Variants in TMEM174 observed in about 807,000 individuals in gnomAD.
TMEM174 encodes transmembrane protein 174.
In TMEM174, 11 loss-of-function variants were observed where a neutral mutation model predicts 15.1. That is an observed-to-expected ratio of 0.73 (90% CI 0.46 to 1.20). The LOEUF (loss-of-function observed/expected upper bound fraction) is 1.20. Among genes scored for constraint, TMEM174 ranks in the 50% most tolerant of loss-of-function variants. The pLI, the probability that TMEM174 is intolerant of heterozygous loss-of-function variation, is 0.00. For synonymous variants in TMEM174, 130 were observed against 121.3 expected (o/e 1.07, Z -0.47); for missense variants, 321 against 303.6 (o/e 1.06, Z -0.43).
In TMEM174 at chr5:73,174,109, G is replaced by T. The variant is rs1745025585; in HGVS notation, c.676G>T (p.Ala226Ser). Residue 226 changes from alanine (A) to serine (S), a missense_variant, in exon 2 of 2, where the codon GCC (alanine) becomes TCC (serine). Coordinates refer to ENST00000296776, the MANE Select transcript of TMEM174 (RefSeq NM_153217.3). ...QLEETQLEEE[A>S]CACFSPPPYE... ...AGAAGAGACACAGCTGGAAGAGGAGGCCTGTGCCTGCTTCTCTCCTCCCCC... is the reference window on the plus strand; with the variant it reads ...AGAAGAGACACAGCTGGAAGAGGAGTCCTGTGCCTGCTTCTCTCCTCCCCC... 1 of 1,614,148 alleles carries T rather than the reference G, an allele frequency of 6.2e-7. No homozygotes were observed.
chr5:73,173,247 G>C lies in TMEM174; in HGVS notation c.4G>C (p.Glu2Gln), dbSNP rs148719429. The C allele has an allele frequency of 6.5e-7, 1 of 1,531,054 alleles. No homozygotes were observed. The highest frequency in any genetic ancestry group is 8.8e-7 in the Non-Finnish European group (1 of 1,139,226). The allele number at this position is 1,531,054 out of a possible 1,614,324, so 94.8% of individuals were successfully genotyped here. A position where few individuals can be genotyped will look rare whatever the true frequency, so the allele number is the denominator to read the frequency against. Residue 2 changes from glutamate to glutamine, a missense_variant, in exon 1 of 2, where the codon GAG becomes CAG. Transcript: ENST00000296776. M[E>Q]QGSGRLEDFP... Reference sequence around the variant, plus strand: ...CAGGGTGAGCCCACAAGGAGCAATGGAGCAGGGCAGCGGCCGCTTGGAGGA... The same window carrying C: ...CAGGGTGAGCCCACAAGGAGCAATGCAGCAGGGCAGCGGCCGCTTGGAGGA...
In TMEM174 at chr5:73,174,196, A is replaced by G; in HGVS notation, c.*31A>G. ...ATTCTGATATAATAACACAATGCTCAGCTCAGGGAGCAAGTGTTTCCGTCA... is the reference window on the plus strand; with the variant it reads ...ATTCTGATATAATAACACAATGCTCGGCTCAGGGAGCAAGTGTTTCCGTCA... On this transcript the variant is annotated 3_prime_UTR_variant, in exon 2 of 2. Coordinates refer to ENST00000296776, the MANE Select transcript of TMEM174 (RefSeq NM_153217.3). 6.3e-7 allele frequency: 1 copy of G among 1,585,034 alleles called. No homozygotes were observed. The highest frequency in any genetic ancestry group is 8.7e-7 in the Non-Finnish European group (1 of 1,153,760).
Position 73,173,781 on chromosome 5 carries a change from C to A in TMEM174, c.538C>A (p.Pro180Thr), listed in dbSNP as rs144099236. The A allele has an allele frequency of 6.8e-5, 109 of 1,614,192 alleles. No homozygotes were observed. In the African/African-American group the frequency reaches 1.3e-3, roughly 20 times the overall value. Residue 180 changes from proline (P) to threonine (T), a missense_variant, in exon 1 of 2, where the codon CCT becomes ACT. Transcript: ENST00000296776. ...GGAAAAMSSP[P>T]QYYTIYPQDN... is the part of the protein sequence containing the mutation. Reference sequence around the variant, plus strand: ...GGCAGCAGCCGCCATGTCAAGTCCTCCTCAATACTACACCATCTACCCTCA... The same window carrying A: ...GGCAGCAGCCGCCATGTCAAGTCCTACTCAATACTACACCATCTACCCTCA...
chr5:73,174,128 C>T lies in TMEM174; in HGVS notation c.695C>T (p.Pro232Leu). ...GAGGAGGCCTGTGCCTGCTTCTCTC[C>T]TCCCCCTTATGAAGAAATATACTCT... is the stretch of plus-strand genomic sequence containing the variant. ...LEEEACACFS[P>L]PPYEEIYSLP... The change falls in exon 2 of 2, where the codon CCT becomes CTT. Residue 232 changes from proline (P) to leucine (L), a missense_variant. Pro to Leu is a moderately conservative substitution (Grantham distance 98). Transcript: ENST00000296776. The T allele has an allele frequency of 1.2e-6, 2 of 1,614,170 alleles. No individual in the cohort carries two copies. The highest frequency in any genetic ancestry group is 2.2e-5 in the East Asian group (1 of 44,868).
At position 73,174,075 on chromosome 5, in the gene TMEM174, T is replaced by C; in HGVS notation, c.642T>C (p.Val214=). The C allele has an allele frequency of 6.2e-7, 1 of 1,614,008 alleles. No homozygotes were observed. The highest frequency in any genetic ancestry group is 8.5e-7 in the Non-Finnish European group (1 of 1,180,026). Reference sequence around the variant, plus strand: ...CACATTTCAGGCCCAATCCTGATGTTGACCAGCTAGAAGAGACACAGCTGG... The same window carrying C: ...CACATTTCAGGCCCAATCCTGATGTCGACCAGCTAGAAGAGACACAGCTGG... ...DGGNHRPNPD[V]DQLEETQLEE... The change falls in exon 2 of 2, where the codon GTT becomes GTC. Residue 214 remains valine (V), a synonymous_variant. Coordinates refer to ENST00000296776, the MANE Select transcript of TMEM174 (RefSeq NM_153217.3).
In TMEM174 at chr5:73,173,823, G is replaced by T; in HGVS notation, c.580G>T (p.Val194Leu). The change falls in exon 1 of 2, where the codon GTG becomes TTG. Residue 194 changes from valine (V) to leucine (L), a missense_variant. Coordinates refer to ENST00000296776, the MANE Select transcript of TMEM174 (RefSeq NM_153217.3). ...CTACCCTCAAGATAACTCTGCATTT[G>T]TGGTTGATGAGGGCTGCCTTTCTTT... is the stretch of plus-strand genomic sequence containing the variant. Reference protein sequence around the residue: ...TIYPQDNSAFVVDEGCLSFTD... With the variant: ...TIYPQDNSAFLVDEGCLSFTD... The T allele has an allele frequency of 6.2e-7, 1 of 1,614,056 alleles. No individual in the cohort carries two copies. The highest frequency in any genetic ancestry group is 1.3e-5 in the African/African-American group (1 of 75,042).
chr5:73,173,716 A>G lies in TMEM174; in HGVS notation c.473A>G (p.Gln158Arg). 6.2e-7 allele frequency: 1 copy of G among 1,614,188 alleles called. No homozygotes were observed. Among genetic ancestry groups the G allele is most frequent in the Non-Finnish European group, 8.5e-7 (1 of 1,180,034 alleles). Reference protein sequence around the residue: ...EPMGINTSYLQSVVSPCGLIT... With the variant: ...EPMGINTSYLRSVVSPCGLIT... ...ATGGGGATAAATACCAGCTACCTGC[A>G]GTCTGTGGTGAGCCCCTGCGGCCTC... Residue 158 changes from glutamine (Q) to arginine (R), a missense_variant, in exon 1 of 2, where the codon CAG (glutamine) becomes CGG (arginine). Coordinates refer to ENST00000296776, the MANE Select transcript of TMEM174 (RefSeq NM_153217.3).
intron 1 of TMEM174, 88 bp downstream of exon 1, chr5:73,173,957 A>G (rs1200058885): frequency 6.3e-7 from 1 of 1,598,180 alleles, no homozygotes; most frequent in South Asian, 1.1e-5. Flanking sequence ...AGGTGTTGGG[A>G]GACTGTGAAT....
Position 73,174,254 on chromosome 5 carries a change from T to C in TMEM174, c.*89T>C. On this transcript the variant is annotated 3_prime_UTR_variant, in exon 2 of 2. Coordinates refer to ENST00000296776, the MANE Select transcript of TMEM174 (RefSeq NM_153217.3). ...CTGACAACCGTGGTGTTCTATGTTGTAACCTTCAGAAGTTACAGCAGCGCC... is the reference window on the plus strand; with the variant it reads ...CTGACAACCGTGGTGTTCTATGTTGCAACCTTCAGAAGTTACAGCAGCGCC... 1.5e-6 allele frequency: 2 copies of C among 1,298,068 alleles called. No homozygotes were observed. Among genetic ancestry groups the C allele is most frequent in the Non-Finnish European group, 2.2e-6 (2 of 907,974 alleles). 80.4% of individuals were successfully genotyped at this position (1,298,068 alleles called of 1,614,324 possible). A position where few individuals can be genotyped will look rare whatever the true frequency, so the allele number is the denominator to read the frequency against.
In TMEM174 at chr5:73,174,071, ATGT is replaced by A; in HGVS notation, c.641_643del (p.Val214del). The A allele has an allele frequency of 1.2e-6, 2 of 1,613,956 alleles. No homozygotes were observed. The highest frequency in any genetic ancestry group is 2.2e-5 in the East Asian group (1 of 44,872). ...TGCTCACATTTCAGGCCCAATCCTG[ATGT>A]TGACCAGCTAGAAGAGACACAGCTG... On this transcript the variant is annotated inframe_deletion, in exon 2 of 2. Coordinates refer to ENST00000296776, the MANE Select transcript of TMEM174 (RefSeq NM_153217.3).
chr5:73,173,814 T>C lies in TMEM174; in HGVS notation c.571T>C (p.Ser191Pro), dbSNP rs139841435. The change falls in exon 1 of 2, where the codon TCT (serine) becomes CCT (proline). Residue 191 changes from serine (S) to proline (P), a missense_variant. Coordinates refer to ENST00000296776, the MANE Select transcript of TMEM174 (RefSeq NM_153217.3). ...CTACACCATCTACCCTCAAGATAAC[T>C]CTGCATTTGTGGTTGATGAGGGCTG... ...QYYTIYPQDN[S>P]AFVVDEGCLS... 2.8e-4 allele frequency: 448 copies of C among 1,613,994 alleles called. 1 individual carries two copies. Among genetic ancestry groups the C allele is most frequent in the Non-Finnish European group, 3.7e-4 (436 of 1,179,988 alleles).
Position 73,174,206 on chromosome 5 carries a change from G to C in TMEM174, c.*41G>C. ...AATAACACAATGCTCAGCTCAGGGA[G>C]CAAGTGTTTCCGTCATTGTTACCTG... On this transcript the variant is annotated 3_prime_UTR_variant, in exon 2 of 2. Coordinates refer to ENST00000296776, the MANE Select transcript of TMEM174 (RefSeq NM_153217.3). 6.3e-7 allele frequency: 1 copy of C among 1,577,702 alleles called. No homozygotes were observed.
At position 73,173,389 on chromosome 5, in the gene TMEM174, T is replaced by C. The variant is rs747945632; in HGVS notation, c.146T>C (p.Leu49Pro). ...CTCTTCTCAGGCATCTTTCTGGGAC[T>C]GGTGGGGATCACATTCACTGTCATG... is the stretch of plus-strand genomic sequence containing the variant. ...TLLFSGIFLG[L>P]VGITFTVMGW... The change falls in exon 1 of 2, where the codon CTG becomes CCG. Residue 49 changes from leucine to proline, a missense_variant. Physicochemically the swap from Leu to Pro is moderately conservative, Grantham distance 98. Transcript: ENST00000296776. 1.2e-6 allele frequency: 2 copies of C among 1,612,580 alleles called. No individual in the cohort carries two copies. Among genetic ancestry groups the C allele is most frequent in the Non-Finnish European group, 1.7e-6 (2 of 1,178,622 alleles).
At position 73,173,348 on chromosome 5, in the gene TMEM174, G is replaced by A; in HGVS notation, c.105G>A (p.Lys35=). The part of the protein sequence containing the change: ...TADIQVSDDD[K]AGATLLFSGI... ...ACATCCAGGTGTCCGATGATGACAA[G>A]GCGGGGGCCACCTTGCTCTTCTCAG... is the stretch of plus-strand genomic sequence containing the variant. Residue 35 remains lysine, a synonymous_variant, in exon 1 of 2, where the codon AAG becomes AAA. Transcript: ENST00000296776. 6.2e-7 allele frequency: 1 copy of A among 1,604,260 alleles called. No homozygotes were observed. The highest frequency in any genetic ancestry group is 2.2e-5 in the East Asian group (1 of 44,686).
Position 73,175,028 on chromosome 5 carries a change from T to C in TMEM174, c.*863T>C, listed in dbSNP as rs886547894. The C allele has an allele frequency of 1.3e-5, 2 of 152,324 alleles. No homozygotes were observed. The highest frequency in any genetic ancestry group is 4.8e-5 in the African/African-American group (2 of 41,424). 9.4% of individuals were successfully genotyped at this position (152,324 alleles called of 1,614,324 possible). A position where few individuals can be genotyped will look rare whatever the true frequency, so the allele number is the denominator to read the frequency against. On this transcript the variant is annotated 3_prime_UTR_variant, in exon 2 of 2. Transcript: ENST00000296776. ...ACTTCCCTAAGTACCCGTAGGTCTG[T>C]GGAGCAAGACAGAGCAGAGTTGCCA...
At position 73,173,399 on chromosome 5, in the gene TMEM174, C is replaced by T; in HGVS notation, c.156C>T (p.Ile52=). The T allele has an allele frequency of 6.2e-7, 1 of 1,613,166 alleles. No homozygotes were observed. ...GCATCTTTCTGGGACTGGTGGGGATCACATTCACTGTCATGGGCTGGATCA... is the reference window on the plus strand; with the variant it reads ...GCATCTTTCTGGGACTGGTGGGGATTACATTCACTGTCATGGGCTGGATCA... ...FSGIFLGLVG[I]TFTVMGWIKY... Residue 52 remains isoleucine (I), a synonymous_variant, in exon 1 of 2, where the codon ATC becomes ATT. Transcript: ENST00000296776.
rs1041091645 is a variant in TMEM174, at chr5:73,173,456, C to A, written c.213C>A (p.Thr71=). The change falls in exon 1 of 2, where the codon ACC becomes ACA. Residue 71 remains threonine, a synonymous_variant. Coordinates refer to ENST00000296776, the MANE Select transcript of TMEM174 (RefSeq NM_153217.3). The part of the protein sequence containing the change: ...KYQGVSHFEW[T]QLLGPVLLSV... ...AAGGTGTCTCCCACTTTGAATGGACCCAGCTCCTTGGGCCCGTCCTGCTGT... is the reference window on the plus strand; with the variant it reads ...AAGGTGTCTCCCACTTTGAATGGACACAGCTCCTTGGGCCCGTCCTGCTGT... 1.2e-6 allele frequency: 2 copies of A among 1,614,044 alleles called. No individual in the cohort carries two copies. The highest frequency in any genetic ancestry group is 1.7e-6 in the Non-Finnish European group (2 of 1,180,048).
rs751700241 is a variant in TMEM174 at position 73,173,558 on chromosome 5, G to A, written c.315G>A (p.Glu105=). The A allele has an allele frequency of 2.7e-5, 43 of 1,614,212 alleles. No homozygotes were observed. In the East Asian group the frequency reaches 7.8e-4, roughly 29 times the overall value. Residue 105 remains glutamate (E), a synonymous_variant, in exon 1 of 2, where the codon GAG becomes GAA. Coordinates refer to ENST00000296776, the MANE Select transcript of TMEM174 (RefSeq NM_153217.3). ...MLSCQLCKES[E]ERVPDSEQTP... ...CCTGCCAGTTGTGCAAAGAAAGTGA[G>A]GAAAGGGTCCCGGACTCGGAACAGA... is the stretch of plus-strand genomic sequence containing the variant.
In TMEM174 at chr5:73,174,103, G is replaced by A. The variant is rs1329470294; in HGVS notation, c.670G>A (p.Glu224Lys). The change falls in exon 2 of 2, where the codon GAG (glutamate) becomes AAG (lysine). Residue 224 changes from glutamate (E) to lysine (K), a missense_variant. Glu to Lys is a moderately conservative substitution (Grantham distance 56). Transcript: ENST00000296776. ...CCAGCTAGAAGAGACACAGCTGGAA[G>A]AGGAGGCCTGTGCCTGCTTCTCTCC... is the stretch of plus-strand genomic sequence containing the variant. ...VDQLEETQLE[E>K]EACACFSPPP... The A allele has an allele frequency of 1.2e-6, 2 of 1,614,138 alleles. No individual in the cohort carries two copies. The highest frequency in any genetic ancestry group is 1.7e-5 in the Admixed American group (1 of 60,024).
Sources: gnomAD v4.1 joint callset for allele counts on GRCh38, gnomAD v4.1.1 for gene constraint, MANE v1.5 for transcripts, NCBI Gene and HGNC (gene_info 2026-07-23, HGNC 2026-07-21) for gene names.